TRRAP: variants seen among roughly 807,000 people sequenced by gnomAD.
The protein encoded by TRRAP is transformation/transcription domain-associated protein.
A neutral mutation model predicts 438.8 loss-of-function variants in TRRAP; 41 were observed. That is an observed-to-expected ratio of 0.09 (90% CI 0.07 to 0.12). TRRAP has a LOEUF of 0.12. Among genes scored for constraint, TRRAP ranks in the 10% least tolerant of loss-of-function variants. TRRAP has a pLI of 1.00. For missense variants in TRRAP, 3,122 were observed against 5,055.1 expected (o/e 0.62, Z 11.60); for synonymous variants, 1,994 against 1,962.9 (o/e 1.02, Z -0.42).
Position 98,899,705 on chromosome 7 carries a change from T to A in TRRAP, c.738T>A (p.Val246=). ...TCTACAAACTGAACATCCACAATGT[T>A]GTTGCTGAGTTTGTGCCCTTGATCA... ...YQLYKLNIHN[V]VAEFVPLIMN... The change falls in exon 10 of 73, where the codon GTT becomes GTA. Residue 246 remains valine, a synonymous_variant. Coordinates refer to ENST00000456197, the MANE Select transcript of TRRAP (RefSeq NM_001375524.1). 1 of 1,614,210 alleles carries A rather than the reference T, an allele frequency of 6.2e-7. No individual in the cohort carries two copies. Among genetic ancestry groups the A allele is most frequent in the Non-Finnish European group, 8.5e-7 (1 of 1,180,036 alleles).
rs1461517583 is a variant in TRRAP at position 98,880,611 on chromosome 7, TA to T, written c.-61-476del. On this transcript the variant is annotated intron_variant, in intron 1 of 72. Transcript: ENST00000456197. ...TGAGCTAAGAATGGTTTTATATTTTTAAATGGCTGGGGAAAAGAGGAAGGAT... is the reference window on the plus strand; with the variant it reads ...TGAGCTAAGAATGGTTTTATATTTTTAATGGCTGGGGAAAAGAGGAAGGAT... Among the ~76,000 whole-genome samples, 10 of 152,270 alleles carry T rather than the reference TA, an allele frequency of 6.6e-5. No homozygotes were observed. In the South Asian group the frequency reaches 8.3e-4, roughly 13 times the overall value.
chr7:98,925,263 A>T lies in TRRAP; in HGVS notation c.2975A>T (p.Asn992Ile), dbSNP rs781892964. 1 of 1,613,506 alleles carries T rather than the reference A, an allele frequency of 6.2e-7. No individual in the cohort carries two copies. Among genetic ancestry groups the T allele is most frequent in the Admixed American group, 1.7e-5 (1 of 59,918 alleles). The stretch of plus-strand genomic sequence containing the variant: ...CTCTACCAGCTCCTGGCACACCCCA[A>T]GTATGTCGGCCACTTCCTTCTGTGT... ...HALYQLLAHP[N>I]FTEKTIPNVI... Residue 992 changes from asparagine (N) to isoleucine (I), a missense_variant and splice_region_variant, in exon 22 of 73, where the codon AAC (asparagine) becomes ATC (isoleucine). Asn to Ile is a moderately radical substitution (Grantham distance 149). This residue lies in a region of TRRAP where 133 missense variants were observed against 188.6 expected (regional missense o/e 0.71). Transcript: ENST00000456197.
At chr7:98,946,067 T>A in intron 33 of TRRAP, 117 bp downstream of exon 33, 1 of 1,064,966 alleles carries the variant, frequency 9.4e-7, no homozygotes, top group Non-Finnish European at 1.2e-6. Context: ...TTGAGTGCAG[T>A]GACCTGTATT....
chr7:98,902,456 A>G (rs189929428), intron 11 of TRRAP, among the ~76,000 whole-genome samples: 207 of 152,276 alleles, frequency 1.4e-3, no homozygotes, highest in Non-Finnish European at 2.5e-3. Flanking sequence ...TGCTTTTTGT[A>G]TGGCTTTTAT....
At position 98,981,815 on chromosome 7, in the gene TRRAP, A is replaced by G. The variant is rs1188197246; in HGVS notation, c.8681A>G (p.Tyr2894Cys). 1 of 1,605,176 alleles carries G rather than the reference A, an allele frequency of 6.2e-7. No homozygotes were observed. The highest frequency in any genetic ancestry group is 8.5e-7 in the Non-Finnish European group (1 of 1,176,402). Reference protein sequence around the residue: ...PKEMAWKVNMYRGYLAICHPE... With the variant: ...PKEMAWKVNMCRGYLAICHPE... ...GAGATGGCCTGGAAGGTGAACATGT[A>G]CCGCGGATACCTGGCCATCTGCCAC... Residue 2894 changes from tyrosine (Y) to cysteine (C), a missense_variant, in exon 59 of 73, where the codon TAC becomes TGC. Tyr to Cys is a radical substitution (Grantham distance 194, BLOSUM62 -2). This residue lies in a region of TRRAP where 992 missense variants were observed against 1,281.2 expected (regional missense o/e 0.77). Coordinates refer to ENST00000456197, the MANE Select transcript of TRRAP (RefSeq NM_001375524.1).
intron 8 of TRRAP, 150 bp downstream of exon 8, chr7:98,898,016 TG>T: frequency 1.5e-6 from 2 of 1,307,566 alleles, no homozygotes; most frequent in Non-Finnish European, 2.1e-6. Context: ...CTCTGCAGCC[TG>T]GGAGGGGTGA....
intron 7 of TRRAP, 63 bp from the exon 8 acceptor site, chr7:98,897,678 T>TTG (rs1339017066): frequency 6.1e-5 from 94 of 1,545,118 alleles, no homozygotes; most frequent in Middle Eastern, 4.1e-4. Context: ...TTTGTTTTGT[T>TTG]TTGTTTTTGA....
At chr7:98,989,863 G>A (rs1793313414) in intron 63 of TRRAP, among the ~76,000 whole-genome samples, 2 of 152,236 alleles carry the variant, frequency 1.3e-5, no homozygotes, top group Admixed American at 6.5e-5. Flanking sequence ...GCATCTTCCT[G>A]TTGCTGTCTT....
At chr7:98,920,980 C>T (rs550796033) in intron 20 of TRRAP, among the ~76,000 whole-genome samples, 79 of 152,190 alleles carry the variant, frequency 5.2e-4, no homozygotes, top group Non-Finnish European at 9.4e-4. Flanking sequence ...GCTGGGATTA[C>T]AGGCATGTGC....
chr7:98,985,102 T>C, intron 62 of TRRAP, 58 bp downstream of exon 62: 1 of 1,261,796 alleles, frequency 7.9e-7, no homozygotes, highest in Non-Finnish European at 1.1e-6. Flanking sequence ...TTTAAAGTTA[T>C]TTATAACCTG....
In TRRAP at chr7:98,892,484, C is replaced by T; in HGVS notation, c.322C>T (p.Pro108Ser). The change falls in exon 5 of 73, where the codon CCT becomes TCT. Residue 108 changes from proline (P) to serine (S), a missense_variant. Coordinates refer to ENST00000456197, the MANE Select transcript of TRRAP (RefSeq NM_001375524.1). ...HRIPTNEHLR[P>S]HTKNVLSVMF... is the part of the protein sequence containing the mutation. ...AATACCAACCAACGAACATCTTCGTCCTCACACAAAAAATGTTTTGTCTGT... is the reference window on the plus strand; with the variant it reads ...AATACCAACCAACGAACATCTTCGTTCTCACACAAAAAATGTTTTGTCTGT... 1 of 1,611,490 alleles carries T rather than the reference C, an allele frequency of 6.2e-7. No individual in the cohort carries two copies. The highest frequency in any genetic ancestry group is 1.1e-5 in the South Asian group (1 of 89,916).
chr7:98,900,480 T>G (rs1331198968), intron 10 of TRRAP, 144 bp from the exon 11 acceptor site: 1 of 636,102 alleles, frequency 1.6e-6, no homozygotes, highest in East Asian at 2.8e-5. Flanking sequence ...GCACGAAAGG[T>G]GTAGACACCT....
At chr7:98,999,292 T>G in intron 67 of TRRAP, 1 of 1,237,066 alleles carries the variant, frequency 8.1e-7, no homozygotes, top group Non-Finnish European at 1.2e-6. Flanking sequence ...AGTCTACTAT[T>G]AAAGCATTTT....
chr7:98,958,052 A>G lies in TRRAP; in HGVS notation c.6303A>G (p.Thr2101=), dbSNP rs948653266. 1 of 1,614,196 alleles carries G rather than the reference A, an allele frequency of 6.2e-7. No individual in the cohort carries two copies. The highest frequency in any genetic ancestry group is 1.3e-5 in the African/African-American group (1 of 75,050). The change falls in exon 44 of 73, where the codon ACA becomes ACG. Residue 2101 remains threonine (T), a synonymous_variant. Coordinates refer to ENST00000456197, the MANE Select transcript of TRRAP (RefSeq NM_001375524.1). Reference sequence around the variant, plus strand: ...CCAAGCCCATTGACAAGCAGCACACAGACACTGTGGTGAACTTCCTTATCC... The same window carrying G: ...CCAAGCCCATTGACAAGCAGCACACGGACACTGTGGTGAACTTCCTTATCC... The part of the protein sequence containing the change: ...LLAKPIDKQH[T]DTVVNFLIRV...
intron 62 of TRRAP, among the ~76,000 whole-genome samples, chr7:98,987,166 A>G (rs994489851): frequency 6.6e-6 from 1 of 152,160 alleles, no homozygotes; most frequent in African/African-American, 2.4e-5. Context: ...TTGTGGGCTT[A>G]TTTCTGGACT....
chr7:98,981,702 T>C, intron 58 of TRRAP, 67 bp from the exon 59 acceptor site: 1 of 1,479,236 alleles, frequency 6.8e-7, no homozygotes, highest in Non-Finnish European at 9.0e-7. Context: ...ATCTTTTTCC[T>C]GTTTGACACT....
intron 60 of TRRAP, 76 bp downstream of exon 60, chr7:98,983,535 T>TTTTGG (rs755279128): frequency 2.4e-5 from 37 of 1,556,096 alleles, no homozygotes; most frequent in Middle Eastern, 3.5e-4. Context: ...CGTCTCTGTG[T>TTTTGG]TTTGGTTTGG....
Position 98,976,104 on chromosome 7 carries a change from C to T in TRRAP, c.7840-45C>T, listed in dbSNP as rs775421033. 1.9e-6 allele frequency: 3 copies of T among 1,608,708 alleles called. No homozygotes were observed. The highest frequency in any genetic ancestry group is 1.7e-5 in the Admixed American group (1 of 59,836). Reference sequence around the variant, plus strand: ...CTTCTGAGCGTGGTTGTGCGAGGCACCCCCAGCCCGTGGCCATCTCAGCCT... The same window carrying T: ...CTTCTGAGCGTGGTTGTGCGAGGCATCCCCAGCCCGTGGCCATCTCAGCCT... On this transcript the variant is annotated intron_variant, in intron 53 of 72. Coordinates refer to ENST00000456197, the MANE Select transcript of TRRAP (RefSeq NM_001375524.1). The surrounding 1 kb of genome is among the most constrained non-coding windows in gnomAD (Gnocchi z 4.6).
intron 53 of TRRAP, among the ~76,000 whole-genome samples, chr7:98,972,392 A>G (rs1432492443): frequency 6.6e-6 from 1 of 152,236 alleles, no homozygotes; most frequent in Non-Finnish European, 1.5e-5. Flanking sequence ...TTTCTCCACC[A>G]CCATCTCTTG....
Sources: allele counts gnomAD v4.1 joint callset (sites outside exome capture counted in the v4.1 genomes callset), GRCh38; gene constraint gnomAD v4.1.1; regional missense constraint gnomAD v4.1.1; non-coding constraint Gnocchi (gnomAD v3.1); transcripts MANE v1.5; gene names NCBI Gene and HGNC (gene_info 2026-07-23, HGNC 2026-07-21).